Variants in EXTL3 observed in about 807,000 individuals in gnomAD.
EXTL3 encodes exostosin-like 3.
EXTL3 carries 27 observed loss-of-function variants against 69.3 expected under a neutral mutation model. The ratio of observed to expected loss-of-function variants is 0.39; its 90% CI spans 0.29 to 0.54. The LOEUF (loss-of-function observed/expected upper bound fraction) is 0.54. EXTL3 is among the 20% of genes least tolerant of loss of function. The pLI is 0.69. For missense variants in EXTL3, 1,003 were observed against 1,231.8 expected (o/e 0.81, Z 2.78); for synonymous variants, 511 against 499.4 (o/e 1.02, Z -0.31).
rs750460572 is a variant in EXTL3 at position 28,716,784 on chromosome 8, T to C, written c.725T>C (p.Val242Ala). 5 of 1,614,044 alleles carry C rather than the reference T, an allele frequency of 3.1e-6. No individual in the cohort carries two copies. The highest frequency in any genetic ancestry group is 2.2e-5 in the South Asian group (2 of 91,084). Residue 242 changes from valine to alanine, a missense_variant, in exon 3 of 7, where the codon GTG becomes GCG. By Grantham distance (64) the Val-to-Ala change is moderately conservative. This residue lies in a region of EXTL3 where 742 missense variants were observed against 815.4 expected (regional missense o/e 0.91). Coordinates refer to ENST00000220562, the MANE Select transcript of EXTL3 (RefSeq NM_001440.4). The surrounding 1 kb of genome is among the most constrained non-coding windows in gnomAD (Gnocchi z 7.1). ...ATCGCCTGCCTTTACGTGATACTAG[T>C]GGGAGAGATGCAGGAGCCGGTGGTG... ...ADIACLYVIL[V>A]GEMQEPVVLR...
intron 1 of EXTL3, among the ~76,000 whole-genome samples, chr8:28,642,445 CA>C (rs34884110): frequency 0.35 from 31,884 of 91,938 alleles, 3,625 homozygotes; most frequent in Middle Eastern, 0.41. Flanking sequence ...AACACTGTCT[CA>C]AAAAAAAAAA....
rs754765415 is a variant in EXTL3, at chr8:28,716,243, A to G, written c.184A>G (p.Lys62Glu). 3.7e-6 allele frequency: 6 copies of G among 1,614,094 alleles called. No individual in the cohort carries two copies. The East Asian group carries it at 8.9e-5, about 24-fold the overall frequency. The change falls in exon 3 of 7, where the codon AAG (lysine) becomes GAG (glutamate). Residue 62 changes from lysine to glutamate, a missense_variant. Physicochemically the swap from Lys to Glu is moderately conservative, Grantham distance 56. Coordinates refer to ENST00000220562, the MANE Select transcript of EXTL3 (RefSeq NM_001440.4). The surrounding 1 kb of genome is among the most constrained non-coding windows in gnomAD (Gnocchi z 7.1). ...TCTGGATGAGGCTGATGAGGCAGGC[A>G]AGCGGATTTTTGGTCCCCGGGTGGG... ...TTLDEADEAGKRIFGPRVGNE... is the reference protein window; with the variant it reads ...TTLDEADEAGERIFGPRVGNE...
At chr8:28,722,480 A>G (rs2130751980) in intron 3 of EXTL3, among the ~76,000 whole-genome samples, 1 of 152,156 alleles carries the variant, frequency 6.6e-6, no homozygotes, top group African/African-American at 2.4e-5. Context: ...TTTTTTTCCA[A>G]ATGAAAATGA....
At chr8:28,722,675 G>A (rs1343463740) in intron 3 of EXTL3, among the ~76,000 whole-genome samples, 4 of 151,220 alleles carry the variant, frequency 2.6e-5, no homozygotes, top group African/African-American at 4.9e-5. Flanking sequence ...TTGGGAAGCC[G>A]AGGTGAGGGG....
At chr8:28,726,720 A>G (rs1195373810) in intron 3 of EXTL3, among the ~76,000 whole-genome samples, 1 of 151,948 alleles carries the variant, frequency 6.6e-6, no homozygotes, top group Non-Finnish European at 1.5e-5. Flanking sequence ...CCCTTCAGAC[A>G]TTGCCACATG....
At chr8:28,663,181 T>C (rs1267064187) in intron 1 of EXTL3, among the ~76,000 whole-genome samples, 4 of 152,210 alleles carry the variant, frequency 2.6e-5, no homozygotes. Context: ...TCAGTCCTTG[T>C]GGTTATATGT....
At position 28,609,018 on chromosome 8, in the gene EXTL3, C is replaced by A. The variant is rs953171327; in HGVS notation, n.314+1260C>A. ...TTGTGTTGGGTGATCTGAGATTGTG[C>A]CATTAGGCTGAGTTCTGAAGGAGCC... On this transcript the variant is annotated intron_variant and non_coding_transcript_variant, in intron 2 of 4. Transcript: ENST00000522725. Among the ~76,000 whole-genome samples, 16 of 152,178 alleles carry A rather than the reference C, an allele frequency of 1.1e-4. No homozygotes were observed. The East Asian group carries it at 2.3e-3, about 22-fold the overall frequency.
At chr8:28,726,886 T>C (rs1801425408) in intron 3 of EXTL3, among the ~76,000 whole-genome samples, 1 of 127,980 alleles carries the variant, frequency 7.8e-6, no homozygotes, top group Admixed American at 7.6e-5. Context: ...TTTCTTTTTT[T>C]TTTTTTTTTT....
Position 28,623,414 on chromosome 8 carries a change from G to A in EXTL3, c.-53+604G>A, listed in dbSNP as rs140341464. ...TTTAATTTGGGATCCCACAATTTGAGCTTTTCAAAAGTTAAGTTTGGCAGA... is the reference window on the plus strand; with the variant it reads ...TTTAATTTGGGATCCCACAATTTGAACTTTTCAAAAGTTAAGTTTGGCAGA... On this transcript the variant is annotated intron_variant, in intron 1 of 6. Transcript: ENST00000523149. This position sits in a 1 kb window ranked among gnomAD's most constrained non-coding sequence, Gnocchi z 4.2. 2.3e-3 allele frequency among the ~76,000 whole-genome samples: 354 copies of A among 152,334 alleles called. 2 individuals are homozygous for A. Among genetic ancestry groups the A allele is most frequent in the African/African-American group, 8.1e-3 (338 of 41,560 alleles).
chr8:28,616,613 C>T (rs973996024), intron 2 of EXTL3, among the ~76,000 whole-genome samples: 3 of 148,394 alleles, frequency 2.0e-5, no homozygotes, highest in Non-Finnish European at 4.5e-5. Context: ...GGCGACAGAG[C>T]GAGACTCCGT....
At chr8:28,668,271 A>AG (rs1554550213) in intron 1 of EXTL3, among the ~76,000 whole-genome samples, 2 of 147,424 alleles carry the variant, frequency 1.4e-5, no homozygotes, top group Admixed American at 6.8e-5. Context: ...AAAAAAAAAA[A>AG]AAAAGAAAAG....
upstream of EXTL3, among the ~76,000 whole-genome samples, chr8:28,618,197 G>T (rs1806352531): frequency 6.6e-6 from 1 of 152,052 alleles, no homozygotes; most frequent in Non-Finnish European, 1.5e-5. Context: ...CGGGCATGGT[G>T]GCTCACACCT....
At chr8:28,727,318 T>C (rs1801435150) in intron 3 of EXTL3, among the ~76,000 whole-genome samples, 1 of 152,172 alleles carries the variant, frequency 6.6e-6, no homozygotes, top group African/African-American at 2.4e-5. Context: ...CCTGGAGTCC[T>C]TAGTAGTTGT....
chr8:28,710,212 G>GGT, intron 1 of EXTL3: 1 of 276,106 alleles, frequency 3.6e-6, no homozygotes, highest in Non-Finnish European at 7.3e-6. Flanking sequence ...CTGTGTTGCT[G>GGT]ACCACTGGAA....
chr8:28,737,814 A>G, intron 5 of EXTL3, 151 bp downstream of exon 5: 1 of 915,728 alleles, frequency 1.1e-6, no homozygotes, highest in Non-Finnish European at 1.8e-6. Flanking sequence ...ACAGACAATG[A>G]TCAAGATGCT....
intron 5 of EXTL3, 168 bp from the exon 6 acceptor site, chr8:28,742,918 T>C: frequency 1.4e-6 from 1 of 727,602 alleles, no homozygotes; most frequent in South Asian, 1.5e-5. Context: ...CTGCAGAAGA[T>C]CCACACGACA....
chr8:28,626,652 T>C (rs1271574252), intron 1 of EXTL3, among the ~76,000 whole-genome samples: 2 of 152,202 alleles, frequency 1.3e-5, no homozygotes, highest in African/African-American at 4.8e-5. Context: ...AAAAACCCTG[T>C]AAGTTGAGTA....
chr8:28,708,285 G>A (rs1455962510), intron 1 of EXTL3, among the ~76,000 whole-genome samples: 1 of 152,070 alleles, frequency 6.6e-6, no homozygotes, highest in Admixed American at 6.5e-5. Context: ...TTTTCATCCA[G>A]GCTAGGTTAC....
At chr8:28,610,990 A>ACGTG (rs1806265154) in intron 2 of EXTL3, among the ~76,000 whole-genome samples, 1 of 152,040 alleles carries the variant, frequency 6.6e-6, no homozygotes, top group African/African-American at 2.4e-5. Flanking sequence ...TGATCCATCC[A>ACGTG]CCTCGGCCTC....
Sources: gnomAD v4.1 joint callset for allele counts (sites outside exome capture counted in the v4.1 genomes callset) on GRCh38, gnomAD v4.1.1 for gene constraint, gnomAD v4.1.1 regional missense constraint, Gnocchi (gnomAD v3.1) non-coding constraint, MANE v1.5 for transcripts, NCBI Gene and HGNC (gene_info 2026-07-23, HGNC 2026-07-21) for gene names.